Variants in CEP162 observed in about 807,000 individuals in gnomAD.
CEP162 encodes the protein centrosomal protein 162, also known as centrosomal protein of 162 kDa.
Under a neutral mutation model 169.2 loss-of-function variants are expected in CEP162, and 141 were observed. The observed-to-expected ratio is 0.83, with a 90% CI of 0.73 to 0.96. CEP162 has a LOEUF of 0.96. Ranked by LOEUF, CEP162 falls within the 40% of genes least tolerant of loss-of-function variation. The pLI is 0.00. For synonymous variants in CEP162, 540 were observed against 526.4 expected (o/e 1.03, Z -0.35); for missense variants, 1,600 against 1,587.2 (o/e 1.01, Z -0.14).
intron 13 of CEP162, among the ~76,000 whole-genome samples, chr6:84,178,484 T>C (rs1588804705): frequency 6.6e-6 from 1 of 152,182 alleles, no homozygotes; most frequent in Admixed American, 6.6e-5. Flanking sequence ...TTGGTAATAA[T>C]TTAAATTTTT....
At chr6:84,130,166 T>C (rs1362871084) in intron 25 of CEP162, among the ~76,000 whole-genome samples, 2 of 152,208 alleles carry the variant, frequency 1.3e-5, no homozygotes, top group African/African-American at 4.8e-5. Context: ...TGTTTATTGA[T>C]TTGCGTATGG....
Position 84,175,285 on chromosome 6 carries a change from C to T in CEP162, c.1726G>A (p.Glu576Lys), listed in dbSNP as rs2099531956. Residue 576 changes from glutamate (E) to lysine (K), a missense_variant, in exon 14 of 27, where the codon GAA becomes AAA. Physicochemically the swap from Glu to Lys is moderately conservative, Grantham distance 56. Coordinates refer to ENST00000403245, the MANE Select transcript of CEP162 (RefSeq NM_014895.4). ...TTCTTACGAGTAGACAGGCAACTTT[C>T]AGTTTTGTGAGCTGGTTTATCCAAA... ...AALDKPAHKT[E>K]SCLSTRKKSE... The T allele has an allele frequency of 2.6e-6, 4 of 1,547,220 alleles. No homozygotes were observed. The highest frequency in any genetic ancestry group is 3.5e-6 in the Non-Finnish European group (4 of 1,144,406).
At chr6:84,180,666 T>A (rs550550009) in intron 13 of CEP162, among the ~76,000 whole-genome samples, 5 of 151,042 alleles carry the variant, frequency 3.3e-5, no homozygotes, top group African/African-American at 1.2e-4. Flanking sequence ...ACAAAATCAA[T>A]GTGCAAAAAT....
At chr6:84,190,133 A>C (rs992811971) in intron 11 of CEP162, among the ~76,000 whole-genome samples, 1 of 152,184 alleles carries the variant, frequency 6.6e-6, no homozygotes, top group African/African-American at 2.4e-5. Flanking sequence ...TACACCAGTC[A>C]GCACCCTGTG....
chr6:84,198,450 T>C (rs1588857084), intron 9 of CEP162, among the ~76,000 whole-genome samples: 1 of 152,182 alleles, frequency 6.6e-6, no homozygotes, highest in East Asian at 1.9e-4. Context: ...GCTAATTTTC[T>C]GTATTTTTTA....
chr6:84,170,373 CAAAAAAAAAAAAAAAAAAA>C (rs57988482), intron 17 of CEP162, among the ~76,000 whole-genome samples: 1 of 28,332 alleles, frequency 3.5e-5, no homozygotes, highest in East Asian at 2.7e-3. Flanking sequence ...GACTCCGTCT[CAAAAAAAAAAAAAAAAAAA>C]AAAAAAAAAA....
At chr6:84,187,459 T>C (rs1341425768) in intron 11 of CEP162, among the ~76,000 whole-genome samples, 1 of 152,222 alleles carries the variant, frequency 6.6e-6, no homozygotes, top group East Asian at 1.9e-4. Flanking sequence ...ATCAGAAATA[T>C]AATAGTTCTT....
chr6:84,224,677 T>C (rs1425458140), intron 2 of CEP162, among the ~76,000 whole-genome samples: 2 of 151,966 alleles, frequency 1.3e-5, no homozygotes, highest in African/African-American at 4.8e-5. Flanking sequence ...TCTAAAATCA[T>C]GACTTTCACA....
Position 84,124,994 on chromosome 6 carries a change from A to G in CEP162, c.*76T>C. The G allele has an allele frequency of 9.4e-7, 1 of 1,069,382 alleles. No homozygotes were observed. Among genetic ancestry groups the G allele is most frequent in the Admixed American group, 2.5e-5 (1 of 40,782 alleles). The allele number at this position is 1,069,382 out of a possible 1,614,324, so 66.2% of individuals were successfully genotyped here. Reference sequence around the variant, plus strand: ...ACATATTGGAACACTTGTTTTTCATAAGCTGTCCTGACAGTGGCACAATCC... The same window carrying G: ...ACATATTGGAACACTTGTTTTTCATGAGCTGTCCTGACAGTGGCACAATCC... On this transcript the variant is annotated 3_prime_UTR_variant, in exon 27 of 27. Coordinates refer to ENST00000403245, the MANE Select transcript of CEP162 (RefSeq NM_014895.4).
intron 17 of CEP162, among the ~76,000 whole-genome samples, chr6:84,169,699 A>G (rs1175341168): frequency 2.0e-5 from 3 of 152,186 alleles, no homozygotes; most frequent in Non-Finnish European, 4.4e-5. Flanking sequence ...TTAATTCCCA[A>G]TTCTCAGAGG....
At position 84,152,819 on chromosome 6, in the gene CEP162, G is replaced by C; in HGVS notation, c.3355C>G (p.Leu1119Val). Residue 1119 changes from leucine (L) to valine (V), a missense_variant, in exon 23 of 27, where the codon CTA becomes GTA. Leu to Val is a conservative substitution (Grantham distance 32). Transcript: ENST00000403245. ...ERLQKDRRMMLSNQNSKGREE... is the reference protein window; with the variant it reads ...ERLQKDRRMMVSNQNSKGREE... ...CTGCCCTTTGAGTTCTGATTTGATA[G>C]CATCATTCTTCTGTCTTTCTGAAGC... The C allele has an allele frequency of 6.2e-7, 1 of 1,613,590 alleles. No individual in the cohort carries two copies. The highest frequency in any genetic ancestry group is 8.5e-7 in the Non-Finnish European group (1 of 1,179,762).
chr6:84,176,983 A>G (rs968093686), intron 13 of CEP162, among the ~76,000 whole-genome samples: 5 of 152,068 alleles, frequency 3.3e-5, no homozygotes, highest in African/African-American at 1.2e-4. Flanking sequence ...AACACAATAT[A>G]TCCAACATAT....
chr6:84,219,218 G>A (rs1184135912), intron 3 of CEP162: 1 of 1,158,800 alleles, frequency 8.6e-7, no homozygotes, highest in South Asian at 1.3e-5. Flanking sequence ...ATAATGCCTA[G>A]TATTTAGAAC....
In CEP162 at chr6:84,213,945, G is replaced by A. The variant is rs562178652; in HGVS notation, c.504-921C>T. 5.9e-5 allele frequency among the ~76,000 whole-genome samples: 9 copies of A among 152,198 alleles called. No homozygotes were observed. In the South Asian group the frequency reaches 1.5e-3, roughly 25 times the overall value. On this transcript the variant is annotated intron_variant, in intron 5 of 26. Coordinates refer to ENST00000403245, the MANE Select transcript of CEP162 (RefSeq NM_014895.4). ...ACCATGCCATTTGGGTAACATTTCC[G>A]ACCAAACAAAGAGCAGGCTTGTTTC...
intron 13 of CEP162, among the ~76,000 whole-genome samples, chr6:84,179,087 T>A (rs1588806936): frequency 1.3e-5 from 2 of 152,198 alleles, no homozygotes; most frequent in African/African-American, 4.8e-5. Flanking sequence ...TGGTTCCAAG[T>A]TTTTGCTATT....
Position 84,215,235 on chromosome 6 carries a change from A to G in CEP162, c.503+47T>C, listed in dbSNP as rs774984725. ...AATCACACATATATCAGCCTTCCAAAAACATAGAAATCATAAAAATCATTA... is the reference window on the plus strand; with the variant it reads ...AATCACACATATATCAGCCTTCCAAGAACATAGAAATCATAAAAATCATTA... On this transcript the variant is annotated intron_variant, in intron 5 of 26. Transcript: ENST00000403245. 9 of 1,126,606 alleles carry G rather than the reference A, an allele frequency of 8.0e-6. No homozygotes were observed. In the South Asian group the frequency reaches 1.8e-4, roughly 23 times the overall value. The allele number at this position is 1,126,606 out of a possible 1,614,324, so 69.8% of individuals were successfully genotyped here. A position where few individuals can be genotyped will look rare whatever the true frequency, so the allele number is the denominator to read the frequency against.
At position 84,221,934 on chromosome 6, in the gene CEP162, C is replaced by T. The variant is rs1294274151; in HGVS notation, c.58-763G>A. Among the ~76,000 whole-genome samples, 3 of 152,034 alleles carry T rather than the reference C, an allele frequency of 2.0e-5. No individual in the cohort carries two copies. The South Asian group carries it at 6.2e-4, about 32-fold the overall frequency. ...TTGATATCTGTATCTTCACTCCCTT[C>T]TCTCTCTACTCCCCGCCCTTCCCTC... On this transcript the variant is annotated intron_variant, in intron 2 of 26. Transcript: ENST00000403245.
rs1314471490 is a variant in CEP162, at chr6:84,180,592, T to A, written c.1663+4595A>T. 1.3e-4 allele frequency among the ~76,000 whole-genome samples: 19 copies of A among 148,882 alleles called. 2 individuals carry two copies. The highest frequency in any genetic ancestry group is 3.6e-4 in the African/African-American group (15 of 41,176). On this transcript the variant is annotated intron_variant, in intron 13 of 26. Transcript: ENST00000403245. ...AGATGACATGATTGTGTATTTAGAATACCCCATTGTCTCAGCCCAAAATCT... is the reference window on the plus strand; with the variant it reads ...AGATGACATGATTGTGTATTTAGAAAACCCCATTGTCTCAGCCCAAAATCT...
intron 25 of CEP162, among the ~76,000 whole-genome samples, chr6:84,145,469 T>C (rs574076591): frequency 1.4e-4 from 22 of 152,272 alleles, no homozygotes; most frequent in Non-Finnish European, 3.1e-4. Context: ...ATTGTGATTA[T>C]CTCTGATAGA....
Sources: allele counts gnomAD v4.1 joint callset (sites outside exome capture counted in the v4.1 genomes callset), GRCh38; gene constraint gnomAD v4.1.1; transcripts MANE v1.5; gene names NCBI Gene and HGNC (gene_info 2026-07-23, HGNC 2026-07-21).